Variants in RGS6 observed in about 807,000 individuals in gnomAD.
RGS6 encodes the protein regulator of G protein signaling 6, also known as regulator of G-protein signaling 6.
In RGS6, 30 loss-of-function variants were observed where a neutral mutation model predicts 78.5. The ratio of observed to expected loss-of-function variants is 0.38; its 90% CI spans 0.29 to 0.52. The LOEUF is 0.52. Ranked by LOEUF, RGS6 falls within the 20% of genes least tolerant of loss-of-function variation. RGS6 has a pLI of 0.85. For missense variants in RGS6, 495 were observed against 609.7 expected (o/e 0.81, Z 1.98); for synonymous variants, 206 against 206.0 (o/e 1.00, Z 0.00).
chr14:71,999,844 A>G (rs1362377494), intron 2 of RGS6, among the ~76,000 whole-genome samples: 2 of 130,936 alleles, frequency 1.5e-5, no homozygotes, highest in African/African-American at 5.4e-5. Context: ...TACAGCCTGC[A>G]GTGCATGAGC....
At chr14:72,230,471 C>T (rs1167531524) in intron 2 of RGS6, among the ~76,000 whole-genome samples, 1 of 152,120 alleles carries the variant, frequency 6.6e-6, no homozygotes, top group Non-Finnish European at 1.5e-5. Context: ...AGAGAGATCA[C>T]AAGGACAGTG....
chr14:72,361,083 CTTTTT>C (rs56251149), intron 3 of RGS6, among the ~76,000 whole-genome samples: 53,481 of 138,264 alleles, frequency 0.39, 11,684 homozygotes, highest in African/African-American at 0.63. Flanking sequence ...AATCAAACCT[CTTTTT>C]TTTTTTTTTT....
intron 2 of RGS6, among the ~76,000 whole-genome samples, chr14:71,998,634 T>C (rs2082821412): frequency 1.3e-5 from 2 of 152,238 alleles, no homozygotes; most frequent in South Asian, 4.1e-4. Context: ...AGCCAAAGCA[T>C]GGCCCTCATC....
At chr14:72,470,235 T>C in intron 8 of RGS6, 152 bp downstream of exon 8, 1 of 618,862 alleles carries the variant, frequency 1.6e-6, no homozygotes, top group Non-Finnish European at 2.9e-6. Context: ...AAAGTCAGGA[T>C]GGATAAGTTT....
chr14:71,978,372 C>G (rs973799725), intron 2 of RGS6, among the ~76,000 whole-genome samples: 1 of 107,712 alleles, frequency 9.3e-6, no homozygotes, highest in South Asian at 4.1e-4. Context: ...CAGTTTTTGC[C>G]CATTCAGTAT....
chr14:72,024,941 G>C (rs1204014752), intron 2 of RGS6, among the ~76,000 whole-genome samples: 4 of 152,198 alleles, frequency 2.6e-5, no homozygotes, highest in Non-Finnish European at 5.9e-5. Context: ...GCTCTTGGCA[G>C]TTTTCAGACA....
chr14:72,025,380 G>A (rs2089633138), intron 2 of RGS6, among the ~76,000 whole-genome samples: 1 of 152,080 alleles, frequency 6.6e-6, no homozygotes, highest in Non-Finnish European at 1.5e-5. Context: ...TTAACATAAT[G>A]TACTTGCCGA....
At chr14:72,429,393 G>A (rs2094542975) in intron 3 of RGS6, among the ~76,000 whole-genome samples, 1 of 152,152 alleles carries the variant, frequency 6.6e-6, no homozygotes, top group Non-Finnish European at 1.5e-5. Flanking sequence ...AGAAGTCAGT[G>A]ATCAGTTAAT....
At chr14:72,574,348 C>A in the RGS6 span, among the ~76,000 whole-genome samples, 1 of 152,188 alleles carries the variant, frequency 6.6e-6, no homozygotes, top group Non-Finnish European at 1.5e-5. Context: ...CCCGCCCCCT[C>A]CACGGCCCAG....
intron 3 of RGS6, among the ~76,000 whole-genome samples, chr14:72,413,367 T>C (rs2093571648): frequency 6.6e-6 from 1 of 152,234 alleles, no homozygotes. Flanking sequence ...TAAAGTCTGT[T>C]TTATCAGAGA....
intron 2 of RGS6, 65 bp downstream of exon 2, chr14:71,964,940 G>A (rs868722336): frequency 1.7e-6 from 2 of 1,195,964 alleles, no homozygotes; most frequent in East Asian, 2.6e-5. Flanking sequence ...GTGTAGGGCT[G>A]ATAAAAAGAC....
At chr14:72,432,082 C>A (rs1002763913) in intron 3 of RGS6, among the ~76,000 whole-genome samples, 1 of 152,224 alleles carries the variant, frequency 6.6e-6, no homozygotes, top group African/African-American at 2.4e-5. Context: ...ATCTTAGATA[C>A]TACCTTGCCC....
At chr14:72,324,805 G>A (rs7155455) in intron 2 of RGS6, among the ~76,000 whole-genome samples, 17,971 of 151,880 alleles carry the variant, frequency 0.12, 1,069 homozygotes, top group East Asian at 0.16. Flanking sequence ...GAATAGTGCC[G>A]CAATAAACAT....
intron 2 of RGS6, among the ~76,000 whole-genome samples, chr14:72,184,411 CAG>C (rs1370690870): frequency 4.1e-5 from 6 of 146,932 alleles, no homozygotes; most frequent in African/African-American, 1.5e-4. Flanking sequence ...CACACACACA[CAG>C]AAAGAGGGAG....
intron 2 of RGS6, among the ~76,000 whole-genome samples, chr14:72,037,151 G>A (rs1281344050): frequency 1.3e-5 from 2 of 152,102 alleles, no homozygotes; most frequent in Non-Finnish European, 2.9e-5. Context: ...CTAGCTAAAG[G>A]ATTGTAAATG....
At chr14:72,490,075 G>T (rs2096557688) in intron 12 of RGS6, among the ~76,000 whole-genome samples, 2 of 152,136 alleles carry the variant, frequency 1.3e-5, no homozygotes, top group African/African-American at 4.8e-5. Flanking sequence ...TAAAGCTCTT[G>T]ATATGGTTTG....
rs969749835 is a variant in RGS6, at chr14:72,356,932, G to A, written c.184+4738G>A. On this transcript the variant is annotated intron_variant, in intron 3 of 17. Coordinates refer to ENST00000553525, the MANE Select transcript of RGS6 (RefSeq NM_001204424.2). ...AGCAGCATGAGAATGGACTAATACC[G>A]TAAATTGTTACTAGGTAGTGGGGCA... Among the ~76,000 whole-genome samples, 8 of 152,166 alleles carry A rather than the reference G, an allele frequency of 5.3e-5. No homozygotes were observed. In the East Asian group the frequency reaches 5.8e-4, roughly 11 times the overall value.
At chr14:71,887,269 A>G in the RGS6 span, among the ~76,000 whole-genome samples, 4 of 152,184 alleles carry the variant, frequency 2.6e-5, no homozygotes, top group African/African-American at 9.7e-5. Flanking sequence ...TGTTAACTGT[A>G]CAAATTGATT....
At chr14:72,135,201 C>G (rs543191943) in intron 2 of RGS6, among the ~76,000 whole-genome samples, 89 of 152,276 alleles carry the variant, frequency 5.8e-4, no homozygotes, top group African/African-American at 2.1e-3. Flanking sequence ...GGGTCAGTGT[C>G]TTGGGTTCTC....
Sources: gnomAD v4.1 joint callset for allele counts (sites outside exome capture counted in the v4.1 genomes callset) on GRCh38, gnomAD v4.1.1 for gene constraint, MANE v1.5 for transcripts, NCBI Gene and HGNC (gene_info 2026-07-23, HGNC 2026-07-21) for gene names.